ZNF705G: variants seen among roughly 807,000 people sequenced by gnomAD.
The protein encoded by ZNF705G is zinc finger protein 705G, also known as putative zinc finger protein 705G.
Under a neutral mutation model 19.6 loss-of-function variants are expected in ZNF705G, and 23 were observed. The ratio of observed to expected loss-of-function variants is 1.17; its 90% CI spans 0.84 to 1.66. The LOEUF (loss-of-function observed/expected upper bound fraction) is 1.66, where lower values mean the gene tolerates loss of function less well. Ranked by LOEUF, ZNF705G falls within the 40% of genes most tolerant of loss-of-function variation. The pLI, the probability that ZNF705G is intolerant of heterozygous loss-of-function variation, is 0.00. For missense variants in ZNF705G, 457 were observed against 354.4 expected (o/e 1.29, Z -2.32); for synonymous variants, 146 against 117.7 (o/e 1.24, Z -1.56).
At chr8:7,362,646 C>A (rs1240464821) in intron 3 of ZNF705G, among the ~76,000 whole-genome samples, 1 of 149,178 alleles carries the variant, frequency 6.7e-6, no homozygotes, top group East Asian at 1.9e-4. Context: ...TGTAAATAGC[C>A]TTAATAGGGG....
Position 7,358,053 on chromosome 8 carries a change from T to C in ZNF705G, c.826A>G (p.Ile276Val), listed in dbSNP as rs745800279. The C allele has an allele frequency of 1.9e-6, 3 of 1,608,668 alleles. No individual in the cohort carries two copies. The highest frequency in any genetic ancestry group is 1.1e-5 in the South Asian group (1 of 90,770). ...TGTGGTTTCTCTCCAGTGTGAATTA[T>C]TTTGTTTCCTCTAAAGCCAGAGCTT... ...SQSSGFRGNKIIHTGEKPHAC... is the reference protein window; with the variant it reads ...SQSSGFRGNKVIHTGEKPHAC... The change falls in exon 7 of 7, where the codon ATA becomes GTA. Residue 276 changes from isoleucine to valine, a missense_variant. By Grantham distance (29) the Ile-to-Val change is conservative. Transcript: ENST00000400156.
In ZNF705G at chr8:7,358,569, C is replaced by A. The variant is rs761212506; in HGVS notation, c.319-9G>T. The stretch of plus-strand genomic sequence containing the variant: ...AGAATGAGAGAGTTCTCCTTTGGGG[C>A]AAATATTAAAAGCTCTTAATGGTTT... On this transcript the variant is annotated splice_polypyrimidine_tract_variant and intron_variant, in intron 6 of 6. Transcript: ENST00000400156. 2.5e-5 allele frequency: 40 copies of A among 1,606,962 alleles called. No individual in the cohort carries two copies. Among genetic ancestry groups the A allele is most frequent in the East Asian group, 6.7e-5 (3 of 44,854 alleles).
intron 2 of ZNF705G, among the ~76,000 whole-genome samples, chr8:7,378,943 C>T (rs1435210698): frequency 3.0e-3 from 419 of 141,774 alleles, no homozygotes; most frequent in African/African-American, 0.012. Context: ...ACAGAGGGGA[C>T]ATTATTCTGC....
At position 7,371,335 on chromosome 8, in the gene ZNF705G, G is replaced by A. The variant is rs1158472634; in HGVS notation, c.-71-8318C>T. ...GGTGCTGGGGAAATGGGTAGATGTG[G>A]TTAGAGCACAAAGTTTCAGATATAC... is the stretch of plus-strand genomic sequence containing the variant. On this transcript the variant is annotated intron_variant, in intron 2 of 6. Transcript: ENST00000400156. 7.9e-5 allele frequency among the ~76,000 whole-genome samples: 11 copies of A among 139,768 alleles called. 1 individual carries two copies. The highest frequency in any genetic ancestry group is 3.1e-4 in the African/African-American group (11 of 35,706). The allele number at this position is 139,768 out of a possible 152,430, so 91.7% of individuals were successfully genotyped here.
chr8:7,361,329 T>A (rs1331887211), intron 3 of ZNF705G, 93 bp from the exon 4 acceptor site: 9 of 1,586,544 alleles, frequency 5.7e-6, no homozygotes, highest in Non-Finnish European at 3.4e-6. Context: ...CAGCTGGGTA[T>A]GCAGAATACT....
Position 7,358,152 on chromosome 8 carries a change from G to T in ZNF705G, c.727C>A (p.Leu243Ile), listed in dbSNP as rs1390177939. ...YGKVFIQSFN[L>I]QRHERTHLGK... ...AGGTGAGTTCTCTCATGTCTTTGAAGGTTAAAGGATTGAATAAAGACTTTC... is the reference window on the plus strand; with the variant it reads ...AGGTGAGTTCTCTCATGTCTTTGAATGTTAAAGGATTGAATAAAGACTTTC... The change falls in exon 7 of 7, where the codon CTT becomes ATT. Residue 243 changes from leucine to isoleucine, a missense_variant. Coordinates refer to ENST00000400156, the MANE Select transcript of ZNF705G (RefSeq NM_001164457.3). 6.2e-7 allele frequency: 1 copy of T among 1,607,516 alleles called. No individual in the cohort carries two copies. Among genetic ancestry groups the T allele is most frequent in the Admixed American group, 1.7e-5 (1 of 59,938 alleles).
At chr8:7,368,106 T>A (rs992134094) in intron 2 of ZNF705G, among the ~76,000 whole-genome samples, 9 of 149,130 alleles carry the variant, frequency 6.0e-5, no homozygotes, top group East Asian at 1.9e-4. Flanking sequence ...GAAAAAAAAA[T>A]TAATAAACCG....
At chr8:7,365,356 C>T (rs1472719548) in intron 2 of ZNF705G, among the ~76,000 whole-genome samples, 3 of 148,502 alleles carry the variant, frequency 2.0e-5, no homozygotes, top group Middle Eastern at 3.4e-3. Context: ...TTAGTATCTC[C>T]CTCCAGATGT....
rs987909366 is a variant in ZNF705G, at chr8:7,360,770, G to C, written c.139+340C>G. ...CCTAATTGGTCTCAGCCTAAGCATA[G>C]ACTAAAGCAGAAGAGTTATTTAGAA... On this transcript the variant is annotated intron_variant, in intron 4 of 6. Coordinates refer to ENST00000400156, the MANE Select transcript of ZNF705G (RefSeq NM_001164457.3). Among the ~76,000 whole-genome samples, 3 of 149,426 alleles carry C rather than the reference G, an allele frequency of 2.0e-5. 1 individual carries two copies. Among genetic ancestry groups the C allele is most frequent in the African/African-American group, 7.7e-5 (3 of 38,894 alleles).
rs71254994 is a variant in ZNF705G at position 7,368,239 on chromosome 8, C to A, written c.-71-5222G>T. Among the ~76,000 whole-genome samples, 2 of 149,472 alleles carry A rather than the reference C, an allele frequency of 1.3e-5. 1 individual carries two copies. Among genetic ancestry groups the A allele is most frequent in the African/African-American group, 5.1e-5 (2 of 38,942 alleles). The stretch of plus-strand genomic sequence containing the variant: ...GATTTTTGAGACTACTACTAAAAAC[C>A]CTCACATAAAGTTGGAAACCAAAGA... On this transcript the variant is annotated intron_variant, in intron 2 of 6. Transcript: ENST00000400156.
chr8:7,384,759 T>C (rs1340761617), intron 1 of ZNF705G, among the ~76,000 whole-genome samples: 10 of 144,954 alleles, frequency 6.9e-5, no homozygotes, highest in Admixed American at 3.3e-4. Context: ...TTATTAAATG[T>C]TAGCATAACT....
At chr8:7,359,830 C>T in intron 5 of ZNF705G, 129 bp from the exon 6 acceptor site, 1 of 1,374,810 alleles carries the variant, frequency 7.3e-7, no homozygotes, top group Non-Finnish European at 1.0e-6. Context: ...AATGAAGAAA[C>T]TACTTGAATA....
intron 2 of ZNF705G, among the ~76,000 whole-genome samples, chr8:7,367,798 G>A (rs1360903044): frequency 3.3e-5 from 5 of 149,816 alleles, no homozygotes; most frequent in East Asian, 3.9e-4. Flanking sequence ...CCCTTCGGTC[G>A]AATTCTTTCT....
At chr8:7,376,553 C>T (rs1807247280) in intron 2 of ZNF705G, among the ~76,000 whole-genome samples, 1 of 118,318 alleles carries the variant, frequency 8.5e-6, no homozygotes, top group African/African-American at 3.6e-5. Flanking sequence ...TATCTTAGGA[C>T]ATAAATGAAA....
At chr8:7,368,377 G>T (rs1482206027) in intron 2 of ZNF705G, among the ~76,000 whole-genome samples, 1 of 149,502 alleles carries the variant, frequency 6.7e-6, no homozygotes, top group Admixed American at 6.6e-5. Flanking sequence ...GATACAACAA[G>T]AAACCAGACA....
chr8:7,358,567 G>A lies in ZNF705G; in HGVS notation c.319-7C>T, dbSNP rs1187843523. 1.9e-6 allele frequency: 3 copies of A among 1,607,084 alleles called. No homozygotes were observed. Among genetic ancestry groups the A allele is most frequent in the East Asian group, 4.5e-5 (2 of 44,846 alleles). On this transcript the variant is annotated splice_polypyrimidine_tract_variant and splice_region_variant and intron_variant, in intron 6 of 6. Coordinates refer to ENST00000400156, the MANE Select transcript of ZNF705G (RefSeq NM_001164457.3). ...CCAGAATGAGAGAGTTCTCCTTTGG[G>A]GCAAATATTAAAAGCTCTTAATGGT...
rs775118471 is a variant in ZNF705G, at chr8:7,361,277, C to G, written c.13-41G>C. On this transcript the variant is annotated intron_variant, in intron 3 of 6. Transcript: ENST00000400156. ...CATTTTAGTTTAGACAGAGAAATTC[C>G]TTTCAATGTCCGGAAGAGGAAGGCT... 7 of 1,592,250 alleles carry G rather than the reference C, an allele frequency of 4.4e-6. No individual in the cohort carries two copies. In the South Asian group the frequency reaches 7.7e-5, roughly 18 times the overall value.
intron 2 of ZNF705G, among the ~76,000 whole-genome samples, chr8:7,379,161 A>G (rs1260676728): frequency 1.3e-5 from 2 of 149,128 alleles, no homozygotes; most frequent in African/African-American, 2.6e-5. Context: ...ACTATGCCTG[A>G]TTTGGCCAAG....
rs1460509815 is a variant in ZNF705G at position 7,364,911 on chromosome 8, A to T, written c.-71-1894T>A. On this transcript the variant is annotated intron_variant, in intron 2 of 6. Coordinates refer to ENST00000400156, the MANE Select transcript of ZNF705G (RefSeq NM_001164457.3). The stretch of plus-strand genomic sequence containing the variant: ...ATAAGATATTAGAGAATGCCTACAA[A>T]GCTTCAGTGAAACCAGCTGTAACCC... Among the ~76,000 whole-genome samples the T allele has an allele frequency of 1.3e-5, 2 of 149,534 alleles. 1 individual carries two copies. Among genetic ancestry groups the T allele is most frequent in the African/African-American group, 5.1e-5 (2 of 38,928 alleles).
Sources: gnomAD v4.1 joint callset for allele counts (sites outside exome capture counted in the v4.1 genomes callset) on GRCh38, gnomAD v4.1.1 for gene constraint, MANE v1.5 for transcripts, NCBI Gene and HGNC (gene_info 2026-07-23, HGNC 2026-07-21) for gene names.